Variants in PCDH9 observed in about 807,000 individuals in gnomAD.
The protein encoded by PCDH9 is protocadherin-9.
Under a neutral mutation model 70.6 loss-of-function variants are expected in PCDH9, and 24 were observed. That is an observed-to-expected ratio of 0.34 (90% CI 0.25 to 0.48). The LOEUF is 0.48. Ranked by LOEUF, PCDH9 falls within the 20% of genes least tolerant of loss-of-function variation. PCDH9 has a pLI of 0.99. For missense variants in PCDH9, 1,281 were observed against 1,503.6 expected (o/e 0.85, Z 2.45); for synonymous variants, 562 against 558.5 (o/e 1.01, Z -0.09).
At chr13:66,933,698 C>G (rs768321904) in intron 2 of PCDH9, among the ~76,000 whole-genome samples, 1 of 152,070 alleles carries the variant, frequency 6.6e-6, no homozygotes, top group African/African-American at 2.4e-5. Flanking sequence ...GCAATTTCAA[C>G]GTCAGGCAAA....
intron 4 of PCDH9, among the ~76,000 whole-genome samples, chr13:66,357,097 G>C (rs996774104): frequency 6.6e-6 from 1 of 151,968 alleles, no homozygotes; most frequent in African/African-American, 2.4e-5. Flanking sequence ...GAGAAGAGAA[G>C]CATGATATGA....
At chr13:66,922,484 T>G (rs2082652452) in intron 2 of PCDH9, among the ~76,000 whole-genome samples, 1 of 151,424 alleles carries the variant, frequency 6.6e-6, no homozygotes, top group African/African-American at 2.4e-5. Flanking sequence ...GTATCTTTAA[T>G]TTTCACGATT....
chr13:66,569,555 G>A (rs1198064821), intron 4 of PCDH9, among the ~76,000 whole-genome samples: 1 of 151,886 alleles, frequency 6.6e-6, no homozygotes, highest in Non-Finnish European at 1.5e-5. Flanking sequence ...ATTATATGCT[G>A]TTTTTCCTCA....
intron 2 of PCDH9, among the ~76,000 whole-genome samples, chr13:66,981,153 G>A (rs74753505): frequency 6.6e-6 from 1 of 151,998 alleles, no homozygotes; most frequent in South Asian, 2.1e-4. Flanking sequence ...AATAGTAAAA[G>A]GTAGGCCGGT....
At chr13:67,196,182 T>A (rs2089060236) in intron 2 of PCDH9, among the ~76,000 whole-genome samples, 1 of 152,136 alleles carries the variant, frequency 6.6e-6, no homozygotes, top group Non-Finnish European at 1.5e-5. Flanking sequence ...AGAGCTGTTT[T>A]GAAGGTTAAA....
At chr13:66,538,027 G>T (rs1960781204) in intron 4 of PCDH9, among the ~76,000 whole-genome samples, 1 of 152,054 alleles carries the variant, frequency 6.6e-6, no homozygotes, top group African/African-American at 2.4e-5. Context: ...GGTAAAATAT[G>T]TTTTTCTTTA....
At chr13:67,202,598 T>G (rs910307277) in intron 2 of PCDH9, 4 of 152,092 alleles carry the variant, frequency 2.6e-5, no homozygotes, top group African/African-American at 7.2e-5. Flanking sequence ...ATGAAAAGCA[T>G]ATACACCTTC....
intron 4 of PCDH9, among the ~76,000 whole-genome samples, chr13:66,461,159 T>C (rs1265367402): frequency 6.6e-6 from 1 of 151,846 alleles, no homozygotes; most frequent in Non-Finnish European, 1.5e-5. Context: ...ATCACTAGCA[T>C]ATTAAACCTT....
chr13:66,521,491 T>C lies in PCDH9; in HGVS notation c.3340+109719A>G, dbSNP rs117547294. The stretch of plus-strand genomic sequence containing the variant: ...CAGATCCTATCATAGGTAGCTAACA[T>C]AGAATTTCAATTTTATGAAAACTGT... On this transcript the variant is annotated intron_variant, in intron 4 of 4. Transcript: ENST00000377865. Among the ~76,000 whole-genome samples the C allele has an allele frequency of 4.7e-3, 711 of 152,250 alleles. 31 individuals carry two copies. The East Asian group carries it at 0.091, about 20-fold the overall frequency.
intron 3 of PCDH9, among the ~76,000 whole-genome samples, chr13:66,849,514 A>G (rs1442829342): frequency 2.6e-5 from 3 of 117,396 alleles, no homozygotes; most frequent in African/African-American, 1.0e-4. Context: ...ATATATATAT[A>G]TATAGAGAGA....
chr13:66,809,555 A>G (rs976217313), intron 3 of PCDH9, among the ~76,000 whole-genome samples: 2 of 152,210 alleles, frequency 1.3e-5, no homozygotes, highest in Non-Finnish European at 2.9e-5. Context: ...TATGGCTTGG[A>G]TAAATTGCTG....
At chr13:67,101,285 A>G (rs1300364976) in intron 2 of PCDH9, among the ~76,000 whole-genome samples, 1 of 152,244 alleles carries the variant, frequency 6.6e-6, no homozygotes, top group Non-Finnish European at 1.5e-5. Flanking sequence ...CCACTGAAAC[A>G]TCATTCACTG....
intron 4 of PCDH9, among the ~76,000 whole-genome samples, chr13:66,433,165 G>A (rs1001998361): frequency 1.3e-5 from 2 of 151,920 alleles, no homozygotes; most frequent in South Asian, 4.1e-4. Context: ...CTTATTAAAT[G>A]TCAATTAGAA....
chr13:66,440,849 C>G (rs138041162), intron 4 of PCDH9, among the ~76,000 whole-genome samples: 2,543 of 152,102 alleles, frequency 0.017, 65 homozygotes, highest in East Asian at 0.079. Context: ...TGCCAGCATG[C>G]TATTCTAATG....
chr13:66,627,008 T>C lies in PCDH9; in HGVS notation c.3340+4202A>G, dbSNP rs574425596. Among the ~76,000 whole-genome samples, 184 of 149,784 alleles carry C rather than the reference T, an allele frequency of 1.2e-3. 1 individual carries two copies. Among genetic ancestry groups the C allele is most frequent in the Middle Eastern group, 3.5e-3 (1 of 284 alleles). On this transcript the variant is annotated intron_variant, in intron 4 of 4. Transcript: ENST00000377865. ...GTGTGTTTAGAAGCAATAACCTATA[T>C]TAAAGCCTGAAGTTTACAAAAATGT... is the stretch of plus-strand genomic sequence containing the variant.
chr13:67,044,210 C>T (rs1377397033), intron 2 of PCDH9, among the ~76,000 whole-genome samples: 1 of 152,098 alleles, frequency 6.6e-6, no homozygotes, highest in Non-Finnish European at 1.5e-5. Context: ...ATTTTTCAAA[C>T]TTCTTTATCC....
chr13:66,912,514 G>GACACACAC (rs34088176), intron 2 of PCDH9, among the ~76,000 whole-genome samples: 13 of 149,928 alleles, frequency 8.7e-5, no homozygotes, highest in Admixed American at 2.7e-4. Flanking sequence ...CATAAGTGTG[G>GACACACAC]ACACACACAC....
intron 3 of PCDH9, among the ~76,000 whole-genome samples, chr13:66,683,678 G>A (rs1471797319): frequency 6.6e-6 from 1 of 152,170 alleles, no homozygotes; most frequent in Non-Finnish European, 1.5e-5. Context: ...AGGGTTTTGT[G>A]TGAGGTTAAA....
chr13:66,409,038 A>G (rs1957328670), intron 4 of PCDH9, among the ~76,000 whole-genome samples: 1 of 152,146 alleles, frequency 6.6e-6, no homozygotes, highest in South Asian at 2.1e-4. Flanking sequence ...TACATACAAG[A>G]ATAGAATGAA....
Sources: gnomAD v4.1 joint callset for allele counts (sites outside exome capture counted in the v4.1 genomes callset) on GRCh38, gnomAD v4.1.1 for gene constraint, MANE v1.5 for transcripts, NCBI Gene and HGNC (gene_info 2026-07-23, HGNC 2026-07-21) for gene names.